ETV6: variants seen among roughly 807,000 people sequenced by gnomAD.
ETV6 encodes transcription factor ETV6.
Under a neutral mutation model 51.1 loss-of-function variants are expected in ETV6, and 16 were observed. The ratio of observed to expected loss-of-function variants is 0.31; its 90% CI spans 0.21 to 0.48. The LOEUF (loss-of-function observed/expected upper bound fraction) is 0.48. Among genes scored for constraint, ETV6 ranks in the 20% least tolerant of loss-of-function variants. The pLI, the probability that ETV6 is intolerant of heterozygous loss-of-function variation, is 0.99. For synonymous variants in ETV6, 240 were observed against 224.1 expected (o/e 1.07, Z -0.64); for missense variants, 458 against 594.8 (o/e 0.77, Z 2.39).
chr12:11,882,674 G>T (rs1037502108), intron 5 of ETV6, among the ~76,000 whole-genome samples: 1 of 152,148 alleles, frequency 6.6e-6, no homozygotes, highest in Non-Finnish European at 1.5e-5. Flanking sequence ...TAATAATCCT[G>T]TAAAGTAAGT....
chr12:11,698,153 C>T (rs1864912958), intron 1 of ETV6, among the ~76,000 whole-genome samples: 1 of 152,136 alleles, frequency 6.6e-6, no homozygotes, highest in African/African-American at 2.4e-5. Flanking sequence ...CCTTCCCTGC[C>T]ACAGGTTCCA....
intron 2 of ETV6, among the ~76,000 whole-genome samples, chr12:11,764,986 A>G (rs1945143195): frequency 6.6e-6 from 1 of 152,202 alleles, no homozygotes; most frequent in South Asian, 2.1e-4. Flanking sequence ...TTGCCTTCCA[A>G]TAGAAGCCAA....
chr12:11,830,522 A>G (rs911681747), intron 2 of ETV6, among the ~76,000 whole-genome samples: 1 of 152,238 alleles, frequency 6.6e-6, no homozygotes, highest in African/African-American at 2.4e-5. Flanking sequence ...GCATCTGGTA[A>G]TGTTTTGAAC....
intron 2 of ETV6, among the ~76,000 whole-genome samples, chr12:11,818,551 C>T (rs954358583): frequency 2.1e-5 from 3 of 143,972 alleles, no homozygotes; most frequent in African/African-American, 7.6e-5. Flanking sequence ...AAAAAAAAAG[C>T]AATGGGAATG....
intron 6 of ETV6, among the ~76,000 whole-genome samples, chr12:11,884,860 A>G (rs1361205593): frequency 1.3e-5 from 2 of 152,084 alleles, no homozygotes; most frequent in East Asian, 3.9e-4. Flanking sequence ...ACTCCCCTTG[A>G]CCTGATCCCG....
intron 5 of ETV6, among the ~76,000 whole-genome samples, chr12:11,881,593 T>C (rs1448581136): frequency 6.6e-6 from 1 of 152,176 alleles, no homozygotes; most frequent in East Asian, 1.9e-4. Context: ...CTCTCAGGCC[T>C]CTTTTAAAAG....
chr12:11,883,569 A>G (rs1410258565), intron 5 of ETV6, among the ~76,000 whole-genome samples: 1 of 151,994 alleles, frequency 6.6e-6, no homozygotes, highest in Non-Finnish European at 1.5e-5. Flanking sequence ...TGCTGGGATT[A>G]CAGGCGTGAG....
intron 2 of ETV6, among the ~76,000 whole-genome samples, chr12:11,754,466 G>A (rs1039725362): frequency 3.9e-5 from 6 of 152,160 alleles, no homozygotes; most frequent in African/African-American, 1.2e-4. Flanking sequence ...TATCTTCCAC[G>A]AGATGTTATC....
Position 11,735,112 on chromosome 12 carries a change from T to TTA in ETV6, c.34-17338_34-17337insTA, listed in dbSNP as rs1555120916. 5.5e-4 allele frequency among the ~76,000 whole-genome samples: 79 copies of TTA among 142,610 alleles called. 1 individual carries two copies. Among genetic ancestry groups the TTA allele is most frequent in the East Asian group, 2.7e-3 (13 of 4,902 alleles). 93.6% of individuals were successfully genotyped at this position (142,610 alleles called of 152,430 possible). A position where few individuals can be genotyped will look rare whatever the true frequency, so the allele number is the denominator to read the frequency against. ...TTTTTTTTTTTTTTTTTTTTTTTTT[T>TTA]ACTAATACTAGGTCCTGCTTCCAAG... On this transcript the variant is annotated intron_variant, in intron 1 of 7. Transcript: ENST00000396373.
At chr12:11,753,967 AG>A (rs1438142184) in intron 2 of ETV6, among the ~76,000 whole-genome samples, 57 of 152,342 alleles carry the variant, frequency 3.7e-4, no homozygotes, top group Non-Finnish European at 2.2e-4. Context: ...TAAAGGTGCC[AG>A]GGTCATGGCT....
At chr12:11,827,278 C>G (rs1946171257) in intron 2 of ETV6, among the ~76,000 whole-genome samples, 1 of 152,072 alleles carries the variant, frequency 6.6e-6, no homozygotes, top group Admixed American at 6.5e-5. Context: ...CCCAGACAGC[C>G]TTTCGGTGGA....
intron 2 of ETV6, among the ~76,000 whole-genome samples, chr12:11,830,674 C>T (rs1015399243): frequency 2.0e-5 from 3 of 152,194 alleles, no homozygotes; most frequent in East Asian, 3.8e-4. Flanking sequence ...TTTGGCTGTA[C>T]AGTCTGGCAT....
At chr12:11,792,320 C>T (rs745872526) in intron 2 of ETV6, among the ~76,000 whole-genome samples, 3 of 151,970 alleles carry the variant, frequency 2.0e-5, no homozygotes, top group Non-Finnish European at 2.9e-5. Context: ...AAGTGTTGGC[C>T]GGAGCTAGCT....
At chr12:11,875,229 G>T (rs1486352664) in intron 5 of ETV6, among the ~76,000 whole-genome samples, 3 of 152,172 alleles carry the variant, frequency 2.0e-5, no homozygotes, top group Admixed American at 1.3e-4. Context: ...AAAGGATAAG[G>T]AGAACTGTTA....
chr12:11,849,511 G>A (rs1022624784), intron 3 of ETV6, among the ~76,000 whole-genome samples: 1 of 152,152 alleles, frequency 6.6e-6, no homozygotes, highest in Non-Finnish European at 1.5e-5. Context: ...AGGAATGAAG[G>A]GACACTGGAA....
chr12:11,678,263 A>T (rs966039602), intron 1 of ETV6, among the ~76,000 whole-genome samples: 29 of 152,198 alleles, frequency 1.9e-4, no homozygotes, highest in Non-Finnish European at 4.0e-4. Context: ...GAAGGCTGTA[A>T]GTGTGTGCTG....
intron 1 of ETV6, among the ~76,000 whole-genome samples, chr12:11,651,475 A>C (rs1863906066): frequency 6.6e-6 from 1 of 152,188 alleles, no homozygotes; most frequent in South Asian, 2.1e-4. Flanking sequence ...GTGAAATCAA[A>C]AGGTGGTTTG....
chr12:11,680,322 A>G (rs942482885), intron 1 of ETV6, among the ~76,000 whole-genome samples: 3 of 152,214 alleles, frequency 2.0e-5, no homozygotes, highest in African/African-American at 7.2e-5. Flanking sequence ...AAGTGTACCC[A>G]TGTATGTTAT....
intron 5 of ETV6, among the ~76,000 whole-genome samples, chr12:11,876,028 A>C (rs748761337): frequency 6.6e-6 from 1 of 152,162 alleles, no homozygotes; most frequent in Admixed American, 6.5e-5. Context: ...CATAGGTGCA[A>C]TGTAGGATGC....
Sources: gnomAD v4.1 joint callset for allele counts (sites outside exome capture counted in the v4.1 genomes callset) on GRCh38, gnomAD v4.1.1 for gene constraint, MANE v1.5 for transcripts, NCBI Gene and HGNC (gene_info 2026-07-23, HGNC 2026-07-21) for gene names.